MPHOSPH6: variants seen among roughly 807,000 people sequenced by gnomAD.
MPHOSPH6 encodes the protein M-phase phosphoprotein 6.
A neutral mutation model predicts 21.8 loss-of-function variants in MPHOSPH6; 25 were observed. The observed-to-expected ratio is 1.15, with a 90% confidence interval of 0.83 to 1.60. The LOEUF (loss-of-function observed/expected upper bound fraction) is 1.60. Ranked by LOEUF, MPHOSPH6 falls within the 40% of genes most tolerant of loss-of-function variation. MPHOSPH6 has a pLI of 0.00. For missense variants in MPHOSPH6, 269 were observed against 181.8 expected, an observed-to-expected ratio of 1.48 and a Z score of -2.76; for synonymous variants, 84 against 56.5, an observed-to-expected ratio of 1.49 and a Z score of -2.18.
At position 82,148,866 on chromosome 16, in the gene MPHOSPH6, G is replaced by T; in HGVS notation, c.351-3C>A. The T allele has an allele frequency of 6.2e-7, 1 of 1,613,938 alleles. No individual in the cohort carries two copies. The highest frequency in any genetic ancestry group is 8.5e-7 in the Non-Finnish European group (1 of 1,179,888). ...TTGTCCCCACCAAGGTCTCATATCT[G>T]TCAAGAGGACAGGCAGCACACGTTT... is the stretch of plus-strand genomic sequence containing the variant. On this transcript the variant is annotated splice_polypyrimidine_tract_variant and splice_region_variant and intron_variant, in intron 4 of 4. Coordinates refer to ENST00000258169, the MANE Select transcript of MPHOSPH6 (RefSeq NM_005792.2).
intron 2 of MPHOSPH6, among the ~76,000 whole-genome samples, chr16:82,152,984 G>A (rs1007045900): frequency 6.6e-6 from 1 of 152,196 alleles, no homozygotes; most frequent in African/African-American, 2.4e-5. Context: ...AGCCTCAGCT[G>A]GGCACAGTGG....
In MPHOSPH6 at chr16:82,170,165, T is replaced by C; in HGVS notation, c.11A>G (p.Glu4Gly). 6.3e-7 allele frequency: 1 copy of C among 1,591,520 alleles called. No individual in the cohort carries two copies. Among genetic ancestry groups the C allele is most frequent in the South Asian group, 1.1e-5 (1 of 88,640 alleles). ...ATTCTTGGACAACCTTGTCTTTCGCTCGGCCGCCATGGTAGCTTCCGCCCA... is the reference window on the plus strand; with the variant it reads ...ATTCTTGGACAACCTTGTCTTTCGCCCGGCCGCCATGGTAGCTTCCGCCCA... MAA[E>G]RKTRLSKNLL... The change falls in exon 1 of 5, where the codon GAG becomes GGG. Residue 4 changes from glutamate to glycine, a missense_variant. Transcript: ENST00000258169.
intron 2 of MPHOSPH6, 122 bp from the exon 3 acceptor site, chr16:82,151,636 AAG>A (rs1567611667): frequency 7.7e-7 from 1 of 1,291,992 alleles, no homozygotes; most frequent in African/African-American, 1.5e-5. Context: ...AAAATACAGT[AAG>A]ATTTCTAACT....
Position 82,170,164 on chromosome 16 carries a change from C to T in MPHOSPH6, c.12G>A (p.Glu4=), listed in dbSNP as rs751060963. The T allele has an allele frequency of 3.8e-6, 6 of 1,592,168 alleles. No individual in the cohort carries two copies. Among genetic ancestry groups the T allele is most frequent in the Non-Finnish European group, 5.1e-6 (6 of 1,169,840 alleles). The change falls in exon 1 of 5, where the codon GAG becomes GAA. Residue 4 remains glutamate (E), a synonymous_variant. Transcript: ENST00000258169. MAA[E]RKTRLSKNLL... is the part of the protein sequence containing the mutation. ...GATTCTTGGACAACCTTGTCTTTCGCTCGGCCGCCATGGTAGCTTCCGCCC... is the reference window on the plus strand; with the variant it reads ...GATTCTTGGACAACCTTGTCTTTCGTTCGGCCGCCATGGTAGCTTCCGCCC...
rs958698685 is a variant in MPHOSPH6, at chr16:82,160,572, C to A, written c.164+3510G>T. ...TTACTGTCCAGCATAATACAGATGC[C>A]TCTCTTGGGGCCGAAGGCAAGTCTG... On this transcript the variant is annotated intron_variant, in intron 2 of 4. Transcript: ENST00000258169. 7.9e-5 allele frequency among the ~76,000 whole-genome samples: 12 copies of A among 152,196 alleles called. 1 individual carries two copies. In the South Asian group the frequency reaches 1.7e-3, roughly 21 times the overall value.
At chr16:82,166,416 C>T (rs1906781793) in intron 1 of MPHOSPH6, among the ~76,000 whole-genome samples, 1 of 152,208 alleles carries the variant, frequency 6.6e-6, no homozygotes, top group Non-Finnish European at 1.5e-5. Context: ...CTCTTTTAAG[C>T]CTACAGTGTG....
At chr16:82,167,702 C>T (rs567221841) in intron 1 of MPHOSPH6, 1 of 152,220 alleles carries the variant, frequency 6.6e-6, no homozygotes. Context: ...GGTTTCTGAT[C>T]CTAGGAGAAT....
chr16:82,157,073 T>C (rs1906451268), intron 2 of MPHOSPH6, among the ~76,000 whole-genome samples: 1 of 151,538 alleles, frequency 6.6e-6, no homozygotes, highest in Non-Finnish European at 1.5e-5. Flanking sequence ...TAAATAAAAA[T>C]AAAAAAATAA....
At chr16:82,151,185 T>G in intron 3 of MPHOSPH6, 1 of 297,852 alleles carries the variant, frequency 3.4e-6, no homozygotes, top group Non-Finnish European at 6.0e-6. Flanking sequence ...ATTTTAATAT[T>G]TATGGTGGCT....
chr16:82,165,159 ACT>A (rs761162739), intron 1 of MPHOSPH6, among the ~76,000 whole-genome samples: 5 of 111,912 alleles, frequency 4.5e-5, no homozygotes. Context: ...ACAGAGTCTC[ACT>A]CTGTCGCCCA....
At chr16:82,149,001 T>C in intron 4 of MPHOSPH6, 138 bp from the exon 5 acceptor site, 1 of 1,158,556 alleles carries the variant, frequency 8.6e-7, no homozygotes, top group Non-Finnish European at 1.2e-6. Context: ...CCATCTGATT[T>C]AACAATTTAT....
intron 2 of MPHOSPH6, among the ~76,000 whole-genome samples, chr16:82,154,440 G>T (rs977289805): frequency 6.6e-6 from 1 of 152,084 alleles, no homozygotes; most frequent in African/African-American, 2.4e-5. Context: ...AAAATTCCTA[G>T]ACATGCAAGG....
intron 2 of MPHOSPH6, among the ~76,000 whole-genome samples, chr16:82,152,156 C>T (rs1302760113): frequency 6.6e-6 from 1 of 152,134 alleles, no homozygotes; most frequent in South Asian, 2.1e-4. Context: ...CTTGCATTTA[C>T]GTTGATTCTT....
chr16:82,154,481 G>C (rs1487766494), intron 2 of MPHOSPH6, among the ~76,000 whole-genome samples: 2 of 151,914 alleles, frequency 1.3e-5, no homozygotes, highest in Non-Finnish European at 2.9e-5. Flanking sequence ...CTCATAGAAA[G>C]AAAGAAAACA....
intron 2 of MPHOSPH6, among the ~76,000 whole-genome samples, chr16:82,159,871 T>G (rs907626414): frequency 6.6e-6 from 1 of 152,196 alleles, no homozygotes; most frequent in Admixed American, 6.5e-5. Context: ...GGCACAGAAC[T>G]TGCTGTTCAG....
At chr16:82,166,656 A>ACCT (rs1282755629) in intron 1 of MPHOSPH6, among the ~76,000 whole-genome samples, 1 of 134,026 alleles carries the variant, frequency 7.5e-6, no homozygotes, top group Non-Finnish European at 1.6e-5. Flanking sequence ...TCACTCAGTG[A>ACCT]AAGTTCTCTG....
intron 1 of MPHOSPH6, 92 bp from the exon 2 acceptor site, chr16:82,164,286 T>G: frequency 3.8e-6 from 3 of 785,168 alleles, no homozygotes; most frequent in Non-Finnish European, 6.1e-6. Context: ...TTGTTCTCCT[T>G]CATTTATCTA....
intron 1 of MPHOSPH6, among the ~76,000 whole-genome samples, chr16:82,167,311 G>A (rs1831857656): frequency 6.6e-6 from 1 of 152,146 alleles, no homozygotes; most frequent in East Asian, 1.9e-4. Context: ...CCAAGTCAGA[G>A]GCATTGAAGT....
intron 1 of MPHOSPH6, among the ~76,000 whole-genome samples, chr16:82,167,265 T>C (rs1906812525): frequency 6.6e-6 from 1 of 152,200 alleles, no homozygotes; most frequent in Admixed American, 6.5e-5. Context: ...ATCCTTCTTT[T>C]TCTTCTTCCC....
Sources: allele counts gnomAD v4.1 joint callset (sites outside exome capture counted in the v4.1 genomes callset), GRCh38; gene constraint gnomAD v4.1.1; transcripts MANE v1.5; gene names NCBI Gene and HGNC (gene_info 2026-07-23, HGNC 2026-07-21).